Variants in DLG2 observed in about 807,000 individuals in gnomAD.
The protein encoded by DLG2 is disks large homolog 2.
A neutral mutation model predicts 132.5 loss-of-function variants in DLG2; 45 were observed. The ratio of observed to expected loss-of-function variants is 0.34; its 90% CI spans 0.27 to 0.44. The LOEUF (loss-of-function observed/expected upper bound fraction) is 0.44. DLG2 is among the 20% of genes least tolerant of loss of function. The probability of loss-of-function intolerance (pLI) is 1.00; values close to 1 mark genes in which losing one functional copy is unlikely to be tolerated. For synonymous variants in DLG2, 424 were observed against 419.6 expected (o/e 1.01, Z -0.13); for missense variants, 1,045 against 1,196.9 (o/e 0.87, Z 1.87).
At chr11:85,054,837 C>A (rs1191281721) in intron 6 of DLG2, among the ~76,000 whole-genome samples, 1 of 151,942 alleles carries the variant, frequency 6.6e-6, no homozygotes, top group Non-Finnish European at 1.5e-5. Flanking sequence ...TTAAAAATGC[C>A]AATAATAGAC....
chr11:84,527,935 C>CTCTT lies in DLG2; in HGVS notation c.519+6634_519+6635insAAGA, dbSNP rs1554999805. On this transcript the variant is annotated intron_variant, in intron 7 of 27. Transcript: ENST00000376104. ...TCTCTCTCTCTCTCTCTCTCTCTCT[C>CTCTT]GCTAATAAATACTCCTACAGGGCAC... Among the ~76,000 whole-genome samples the CTCTT allele has an allele frequency of 3.4e-5, 5 of 145,862 alleles. 1 individual carries two copies. The highest frequency in any genetic ancestry group is 2.0e-4 in the East Asian group (1 of 5,066).
rs1160507877 is a variant in DLG2 at position 83,874,423 on chromosome 11, T to C, written c.1562A>G (p.Glu521Gly). The change falls in exon 16 of 28, where the codon GAA (glutamate) becomes GGA (glycine). Residue 521 changes from glutamate to glycine, a missense_variant. Physicochemically the swap from Glu to Gly is moderately conservative, Grantham distance 98 (BLOSUM62 -2). Coordinates refer to ENST00000376104, the MANE Select transcript of DLG2 (RefSeq NM_001142699.3). ...SMTLQRAVSL[E>G]GEPRKVVLHK... The stretch of plus-strand genomic sequence containing the variant: ...AGGTTCTGTATTATTATCTTACCCT[T>C]CCAGGGAGACGGCCCGTTGGAGAGT... 10 of 1,596,532 alleles carry C rather than the reference T, an allele frequency of 6.3e-6. No homozygotes were observed. Among genetic ancestry groups the C allele is most frequent in the South Asian group, 1.1e-5 (1 of 88,418 alleles).
intron 6 of DLG2, among the ~76,000 whole-genome samples, chr11:84,894,591 G>C (rs1358188177): frequency 6.6e-6 from 1 of 152,132 alleles, no homozygotes; most frequent in Non-Finnish European, 1.5e-5. Context: ...TTCCAGTGAA[G>C]ACAAGAATTG....
chr11:84,862,830 T>A (rs1018495213), intron 6 of DLG2, among the ~76,000 whole-genome samples: 1 of 47,728 alleles, frequency 2.1e-5, no homozygotes, highest in Non-Finnish European at 3.9e-5. Flanking sequence ...GGGGGGGGGG[T>A]GGGGGACTAG....
intron 3 of DLG2, among the ~76,000 whole-genome samples, chr11:85,478,297 C>A (rs992376805): frequency 3.9e-5 from 6 of 152,076 alleles, no homozygotes; most frequent in African/African-American, 9.7e-5. Context: ...GGTGAGATGA[C>A]AAGCATGAGC....
chr11:85,381,884 C>A (rs545602463), intron 3 of DLG2, among the ~76,000 whole-genome samples: 1 of 151,872 alleles, frequency 6.6e-6, no homozygotes, highest in Admixed American at 6.6e-5. Flanking sequence ...TGAATTAGAA[C>A]GCAATATTGT....
chr11:83,609,361 A>G (rs898052360), intron 19 of DLG2, among the ~76,000 whole-genome samples: 4 of 152,192 alleles, frequency 2.6e-5, no homozygotes, highest in Non-Finnish European at 4.4e-5. Flanking sequence ...TTCTTGGTCC[A>G]ACAGGTTTAG....
Position 84,160,461 on chromosome 11 carries a change from T to A in DLG2, c.624+3000A>T, listed in dbSNP as rs959060529. Reference sequence around the variant, plus strand: ...ACTTTGATATAAATGGATTTATGACTATTGTGGGGATGAGAACATGAAACA... The same window carrying A: ...ACTTTGATATAAATGGATTTATGACAATTGTGGGGATGAGAACATGAAACA... On this transcript the variant is annotated intron_variant, in intron 9 of 27. Transcript: ENST00000376104. Among the ~76,000 whole-genome samples, 3 of 152,124 alleles carry A rather than the reference T, an allele frequency of 2.0e-5. 1 individual carries two copies. The South Asian group carries it at 6.2e-4, about 32-fold the overall frequency.
intron 8 of DLG2, among the ~76,000 whole-genome samples, chr11:84,191,061 T>C (rs752575996): frequency 6.6e-6 from 1 of 152,208 alleles, no homozygotes; most frequent in East Asian, 1.9e-4. Context: ...TTCATTTAAA[T>C]TGCAGTTTGG....
chr11:85,006,475 A>G lies in DLG2; in HGVS notation c.357+105186T>C, dbSNP rs564613212. Among the ~76,000 whole-genome samples, 3 of 152,234 alleles carry G rather than the reference A, an allele frequency of 2.0e-5. No individual in the cohort carries two copies. The South Asian group carries it at 6.2e-4, about 32-fold the overall frequency. On this transcript the variant is annotated intron_variant, in intron 6 of 27. Transcript: ENST00000376104. ...TTTGGGAAGGTATATGTGTCCAGCA[A>G]TTTGTCCATTTCTTCTACATTTTCT...
intron 17 of DLG2, chr11:83,791,016 G>T (rs528040597): frequency 3.9e-6 from 3 of 773,224 alleles, no homozygotes; most frequent in East Asian, 2.5e-5. Flanking sequence ...CAGTGAATTG[G>T]CTTGTTCCTG....
chr11:84,079,672 T>C (rs1425225017), intron 10 of DLG2, among the ~76,000 whole-genome samples: 3 of 152,166 alleles, frequency 2.0e-5, no homozygotes, highest in African/African-American at 7.2e-5. Context: ...TAGATAACAA[T>C]TTAGTTTTGT....
chr11:84,460,236 G>T (rs997969617), intron 7 of DLG2, among the ~76,000 whole-genome samples: 1 of 150,538 alleles, frequency 6.6e-6, no homozygotes, highest in Non-Finnish European at 1.5e-5. Flanking sequence ...TTCATCAATT[G>T]ACTATTGCGT....
chr11:83,875,947 A>C (rs954317713), intron 15 of DLG2, among the ~76,000 whole-genome samples: 3 of 152,128 alleles, frequency 2.0e-5, no homozygotes, highest in African/African-American at 4.8e-5. Context: ...CAAGTTAAAG[A>C]CTGTGCCTCT....
intron 3 of DLG2, among the ~76,000 whole-genome samples, chr11:85,422,092 G>T (rs1294891356): frequency 6.6e-6 from 1 of 152,162 alleles, no homozygotes; most frequent in East Asian, 1.9e-4. Flanking sequence ...TAGGTTACCT[G>T]GTGCTTTTGT....
rs35666968 is a variant in DLG2, at chr11:83,978,780, TA to T, written c.1056+1725del. 2.6e-5 allele frequency among the ~76,000 whole-genome samples: 4 copies of T among 152,034 alleles called. No individual in the cohort carries two copies. In the East Asian group the frequency reaches 7.7e-4, roughly 29 times the overall value. ...CAGTAGGTGGGCAGCATGTACTTAT[TA>T]AAAAAGTAATTAATGAATGACAATA... On this transcript the variant is annotated intron_variant, in intron 12 of 27. Transcript: ENST00000376104.
intron 19 of DLG2, among the ~76,000 whole-genome samples, chr11:83,625,716 G>A (rs1270661298): frequency 2.0e-5 from 3 of 152,170 alleles, no homozygotes; most frequent in African/African-American, 7.2e-5. Context: ...GTGCGTGCTT[G>A]TCTAAATCCA....
chr11:85,027,261 T>G (rs575654111), intron 6 of DLG2, among the ~76,000 whole-genome samples: 1 of 137,724 alleles, frequency 7.3e-6, no homozygotes, highest in Non-Finnish European at 1.5e-5. Flanking sequence ...ACATATGATA[T>G]ACACATACAT....
chr11:85,006,451 T>C (rs183728432), intron 6 of DLG2, among the ~76,000 whole-genome samples: 42 of 152,260 alleles, frequency 2.8e-4, no homozygotes, highest in African/African-American at 9.6e-4. Context: ...CTGGTTAATT[T>C]TGGGAAGGTA....
Sources: allele counts gnomAD v4.1 joint callset (sites outside exome capture counted in the v4.1 genomes callset), GRCh38; gene constraint gnomAD v4.1.1; transcripts MANE v1.5; gene names NCBI Gene and HGNC (gene_info 2026-07-23, HGNC 2026-07-21).